PITPNA: variants seen among roughly 807,000 people sequenced by gnomAD.
PITPNA encodes phosphatidylinositol transfer protein alpha isoform.
A neutral mutation model predicts 50.3 loss-of-function variants in PITPNA; 13 were observed. That is an observed-to-expected ratio of 0.26 (90% CI 0.17 to 0.41). The LOEUF (loss-of-function observed/expected upper bound fraction) is 0.41, where lower values mean the gene tolerates loss of function less well. Among genes scored for constraint, PITPNA ranks in the 10% least tolerant of loss-of-function variants. The pLI is 1.00. For missense variants in PITPNA, 207 were observed against 333.4 expected, an observed-to-expected ratio of 0.62 and a Z score of 2.95; for synonymous variants, 120 against 119.6, an observed-to-expected ratio of 1.00 and a Z score of -0.02.
chr17:1,559,718 A>G, intron 1 of PITPNA: 1 of 964,708 alleles, frequency 1.0e-6, no homozygotes, highest in Non-Finnish European at 1.2e-6. Flanking sequence ...TCCCCCAGGA[A>G]GCAAGAAGGA....
intron 4 of PITPNA, among the ~76,000 whole-genome samples, chr17:1,543,791 A>G (rs1188721901): frequency 2.0e-5 from 3 of 152,208 alleles, no homozygotes; most frequent in Non-Finnish European, 4.4e-5. Flanking sequence ...AAATAACCCA[A>G]AAGACTGTCA....
chr17:1,522,626 G>A (rs2075522103), intron 10 of PITPNA, among the ~76,000 whole-genome samples: 1 of 152,094 alleles, frequency 6.6e-6, no homozygotes, highest in Non-Finnish European at 1.5e-5. Context: ...GCCTGCCTTG[G>A]CCTCCTGAAG....
intron 5 of PITPNA, among the ~76,000 whole-genome samples, chr17:1,541,940 C>T (rs1405970796): frequency 6.6e-6 from 1 of 152,122 alleles, no homozygotes. Context: ...TGGCTCACGC[C>T]TGTCATCTCA....
At chr17:1,556,264 G>C (rs554997628) in intron 2 of PITPNA, among the ~76,000 whole-genome samples, 52 of 152,298 alleles carry the variant, frequency 3.4e-4, no homozygotes, top group African/African-American at 1.1e-3. Flanking sequence ...TGCTGAGAAC[G>C]GGCTGACCAC....
At chr17:1,549,966 C>T (rs1207814212) in intron 3 of PITPNA, among the ~76,000 whole-genome samples, 2 of 152,184 alleles carry the variant, frequency 1.3e-5, no homozygotes, top group Admixed American at 1.3e-4. Flanking sequence ...TGAGCCACCG[C>T]GCCCAGCCGT....
chr17:1,541,458 C>T (rs139294601), intron 6 of PITPNA, 108 bp downstream of exon 6: 11,353 of 802,222 alleles, frequency 0.014, 116 homozygotes, highest in Non-Finnish European at 0.018. Flanking sequence ...ACTGCCTTCC[C>T]GGCCAGGCAA....
chr17:1,541,467 A>G, intron 6 of PITPNA, 99 bp downstream of exon 6: 1 of 856,976 alleles, frequency 1.2e-6, no homozygotes, highest in Non-Finnish European at 2.0e-6. Flanking sequence ...CCGGCCAGGC[A>G]AAAGAGGACC....
Position 1,559,720 on chromosome 17 carries a change from CAAG to C in PITPNA, c.21-1164_21-1162del, listed in dbSNP as rs1047549653. ...AGTTCCACAAAGGTCCCCCAGGAAGCAAGAAGGACACAGAGGGGTCTGAGGAAA... is the reference window on the plus strand; with the variant it reads ...AGTTCCACAAAGGTCCCCCAGGAAGCAAGGACACAGAGGGGTCTGAGGAAA... On this transcript the variant is annotated intron_variant, in intron 1 of 11. Coordinates refer to ENST00000313486, the MANE Select transcript of PITPNA (RefSeq NM_006224.4). 14 of 971,262 alleles carry C rather than the reference CAAG, an allele frequency of 1.4e-5. No individual in the cohort carries two copies. In the African/African-American group the frequency reaches 2.1e-4, roughly 15 times the overall value. 60.2% of individuals were successfully genotyped at this position (971,262 alleles called of 1,614,324 possible). A position where few individuals can be genotyped will look rare whatever the true frequency, so the allele number is the denominator to read the frequency against.
At chr17:1,523,160 A>G (rs1348691903) in intron 10 of PITPNA, among the ~76,000 whole-genome samples, 2 of 148,290 alleles carry the variant, frequency 1.3e-5, no homozygotes, top group South Asian at 2.1e-4. Context: ...GGCAGACATC[A>G]CTGGGGATAC....
chr17:1,562,741 C>T lies in PITPNA; in HGVS notation c.-181G>A, dbSNP rs1450431791. 4.8e-6 allele frequency: 1 copy of T among 207,682 alleles called. No homozygotes were observed. The highest frequency in any genetic ancestry group is 8.5e-6 in the Non-Finnish European group (1 of 117,658). The allele number at this position is 207,682 out of a possible 1,614,324, so 12.9% of individuals were successfully genotyped here. A position where few individuals can be genotyped will look rare whatever the true frequency, so the allele number is the denominator to read the frequency against. On this transcript the variant is annotated 5_prime_UTR_variant, in exon 1 of 12. Transcript: ENST00000313486. The surrounding 1 kb of genome is among the most constrained non-coding windows in gnomAD (Gnocchi z 6.4). ...GCTCCTGCCGCCCGGGCCTCGTCGC[C>T]TCTCGCGCCGCTGCCGACGCCGCCC...
At chr17:1,542,750 G>A (rs1442065499) in intron 5 of PITPNA, among the ~76,000 whole-genome samples, 1 of 152,202 alleles carries the variant, frequency 6.6e-6, no homozygotes, top group Non-Finnish European at 1.5e-5. Context: ...GAAAAGGTGT[G>A]ACCTGGGGAG....
chr17:1,540,248 G>C (rs898690410), intron 6 of PITPNA, among the ~76,000 whole-genome samples: 8 of 152,250 alleles, frequency 5.3e-5, no homozygotes, highest in African/African-American at 1.9e-4. Context: ...TGATTATTTT[G>C]ATCAGGCTGT....
At chr17:1,557,189 G>A (rs1176844920) in intron 2 of PITPNA, among the ~76,000 whole-genome samples, 2 of 152,000 alleles carry the variant, frequency 1.3e-5, no homozygotes, top group Non-Finnish European at 2.9e-5. Flanking sequence ...GCCCACCTCT[G>A]GCCCCCTCCC....
chr17:1,554,968 C>A (rs2075728027), intron 2 of PITPNA, among the ~76,000 whole-genome samples: 1 of 152,186 alleles, frequency 6.6e-6, no homozygotes, highest in Non-Finnish European at 1.5e-5. Context: ...CCAAGTCCAC[C>A]ACCCAGCTAG....
At position 1,552,987 on chromosome 17, in the gene PITPNA, C is replaced by T. The variant is rs2075717354; in HGVS notation, c.197+17G>A. ...ACACAAAAGCCAGCATCCGGCCCCG[C>T]TGCTCATGCCGCATACCTCTGCAGG... is the stretch of plus-strand genomic sequence containing the variant. On this transcript the variant is annotated intron_variant, in intron 3 of 11. Coordinates refer to ENST00000313486, the MANE Select transcript of PITPNA (RefSeq NM_006224.4). The T allele has an allele frequency of 2.5e-6, 4 of 1,613,056 alleles. No homozygotes were observed. Among genetic ancestry groups the T allele is most frequent in the Non-Finnish European group, 3.4e-6 (4 of 1,179,144 alleles).
In PITPNA at chr17:1,520,556, G is replaced by A. The variant is rs1055478252; in HGVS notation, c.*23-18C>T. ...TTGCAAAACTAGAAGAAAAATGAAA[G>A]TATTAAGGAAGCAAGAGGAGAAAAC... On this transcript the variant is annotated intron_variant, in intron 11 of 11. Coordinates refer to ENST00000313486, the MANE Select transcript of PITPNA (RefSeq NM_006224.4). The A allele has an allele frequency of 6.7e-6, 1 of 150,318 alleles. No individual in the cohort carries two copies. The highest frequency in any genetic ancestry group is 1.5e-5 in the Non-Finnish European group (1 of 67,372). 9.3% of individuals were successfully genotyped at this position (150,318 alleles called of 1,614,324 possible).
intron 9 of PITPNA, 80 bp from the exon 10 acceptor site, chr17:1,534,301 G>A (rs1318405868): frequency 2.1e-5 from 33 of 1,559,110 alleles, no homozygotes; most frequent in Middle Eastern, 3.5e-4. Flanking sequence ...CACTCCACAC[G>A]AATACCCACA....
intron 2 of PITPNA, among the ~76,000 whole-genome samples, chr17:1,555,700 A>G (rs1438910878): frequency 2.0e-5 from 3 of 152,222 alleles, no homozygotes; most frequent in African/African-American, 7.2e-5. Flanking sequence ...ACAACAGTAC[A>G]GCTTTGGTCC....
chr17:1,542,984 A>G (rs762828073), intron 5 of PITPNA, 36 bp downstream of exon 5: 2 of 1,536,298 alleles, frequency 1.3e-6, no homozygotes, highest in Non-Finnish European at 8.9e-7. Context: ...GTTCTTATAC[A>G]TCATCTACAG....
Sources: allele counts gnomAD v4.1 joint callset (sites outside exome capture counted in the v4.1 genomes callset), GRCh38; gene constraint gnomAD v4.1.1; non-coding constraint Gnocchi (gnomAD v3.1); transcripts MANE v1.5; gene names NCBI Gene and HGNC (gene_info 2026-07-23, HGNC 2026-07-21).